Variants in CFAP46 observed in about 807,000 individuals in gnomAD.
CFAP46 encodes cilia- and flagella-associated protein 46.
In CFAP46, 245 loss-of-function variants were observed where a neutral mutation model predicts 325.7. The ratio of observed to expected loss-of-function variants is 0.75; its 90% CI spans 0.68 to 0.84. The LOEUF is 0.84. CFAP46 is among the 40% of genes least tolerant of loss of function. CFAP46 has a pLI of 0.00. For missense variants in CFAP46, 3,346 were observed against 3,543.0 expected (o/e 0.94, Z 1.41); for synonymous variants, 1,523 against 1,495.9 (o/e 1.02, Z -0.42).
intron 19 of CFAP46, among the ~76,000 whole-genome samples, chr10:132,912,062 G>C (rs1564798105): frequency 6.6e-6 from 1 of 151,906 alleles, no homozygotes; most frequent in Non-Finnish European, 1.5e-5. Flanking sequence ...CCAGCCTCCA[G>C]CTACAGGTCT....
At chr10:132,908,248 A>C in intron 22 of CFAP46, 1 of 581,612 alleles carries the variant, frequency 1.7e-6, no homozygotes, top group South Asian at 2.0e-5. Flanking sequence ...CTGCTCCCTG[A>C]TCTGTGATCG....
At chr10:132,821,244 G>GTGCGGTGA (rs1554964036) in intron 50 of CFAP46, among the ~76,000 whole-genome samples, 9 of 84,108 alleles carry the variant, frequency 1.1e-4, no homozygotes, top group Non-Finnish European at 2.5e-4. Context: ...TGTGTGCTGT[G>GTGCGGTGA]TGTGTGCTGT....
At chr10:132,891,085 C>T (rs1343768816) in intron 25 of CFAP46, among the ~76,000 whole-genome samples, 2 of 151,980 alleles carry the variant, frequency 1.3e-5, no homozygotes, top group African/African-American at 4.8e-5. Context: ...AGTGTGTGTC[C>T]ACGTTTTTTG....
chr10:132,877,418 C>T lies in CFAP46; in HGVS notation c.4213-457G>A, dbSNP rs140172986. On this transcript the variant is annotated intron_variant, in intron 30 of 57. Coordinates refer to ENST00000368586, the MANE Select transcript of CFAP46 (RefSeq NM_001200049.3). This position sits in a 1 kb window ranked among gnomAD's most constrained non-coding sequence, Gnocchi z 5.7. Reference sequence around the variant, plus strand: ...TGCCCAGCACTTTGAGAAGTGGATACTTGCAGAGAGAAAGGTTTCATGAGA... The same window carrying T: ...TGCCCAGCACTTTGAGAAGTGGATATTTGCAGAGAGAAAGGTTTCATGAGA... Among the ~76,000 whole-genome samples, 1 of 152,194 alleles carries T rather than the reference C, an allele frequency of 6.6e-6. No individual in the cohort carries two copies. Among genetic ancestry groups the T allele is most frequent in the Non-Finnish European group, 1.5e-5 (1 of 68,042 alleles).
intron 48 of CFAP46, 67 bp downstream of exon 48, chr10:132,834,587 C>T: frequency 6.4e-7 from 1 of 1,572,250 alleles, no homozygotes; most frequent in Non-Finnish European, 8.7e-7. Context: ...TGGTTGGCCA[C>T]AGCACTGGAC....
At chr10:132,909,320 G>T (rs989655888) in intron 20 of CFAP46, 76 bp from the exon 21 acceptor site, 7 of 1,010,442 alleles carry the variant, frequency 6.9e-6, no homozygotes, top group Non-Finnish European at 1.1e-5. Context: ...ATTTAACACT[G>T]CAAGGTATTA....
At chr10:132,814,947 G>C in intron 50 of CFAP46, 33 bp from the exon 51 acceptor site, 1 of 1,608,166 alleles carries the variant, frequency 6.2e-7, no homozygotes, top group Non-Finnish European at 8.5e-7. Flanking sequence ...AGGGATGTTT[G>C]GCAGCAGCTC....
At chr10:132,865,641 C>T (rs1358677456) in intron 35 of CFAP46, among the ~76,000 whole-genome samples, 5 of 152,290 alleles carry the variant, frequency 3.3e-5, no homozygotes, top group South Asian at 4.1e-4. Context: ...GCACACAATC[C>T]GCCTTCTAGA....
chr10:132,882,348 G>C (rs934441595), intron 27 of CFAP46, among the ~76,000 whole-genome samples: 9 of 151,804 alleles, frequency 5.9e-5, no homozygotes, highest in Non-Finnish European at 1.0e-4. Flanking sequence ...TAGGCTGTGT[G>C]GGGGTGGGAT....
chr10:132,902,376 G>T (rs2135492763), intron 22 of CFAP46, among the ~76,000 whole-genome samples: 1 of 148,888 alleles, frequency 6.7e-6, no homozygotes, highest in East Asian at 1.9e-4. Context: ...CACTGGCCTG[G>T]ATTCGAAGTT....
intron 22 of CFAP46, 147 bp from the exon 23 acceptor site, chr10:132,899,813 T>C (rs919753351): frequency 3.2e-6 from 3 of 949,124 alleles, no homozygotes; most frequent in African/African-American, 3.3e-5. Context: ...TGCACAGGGC[T>C]CCGCCCTCCC....
chr10:132,855,492 C>T (rs1053338008), intron 39 of CFAP46, among the ~76,000 whole-genome samples: 1 of 152,096 alleles, frequency 6.6e-6, no homozygotes, highest in Non-Finnish European at 1.5e-5. Flanking sequence ...ATTCTTTTAA[C>T]TGAGGGTGTT....
rs768710982 is a variant in CFAP46, at chr10:132,867,941, C to T, written c.4611-434G>A. 1.8e-4 allele frequency among the ~76,000 whole-genome samples: 28 copies of T among 152,358 alleles called. 1 individual carries two copies. In the South Asian group the frequency reaches 3.9e-3, roughly 21 times the overall value. ...TCCCCTTCGCTGCTCCACCTGGCCCCGGCCACGGCCCCCGGCTGTCCCGCC... is the reference window on the plus strand; with the variant it reads ...TCCCCTTCGCTGCTCCACCTGGCCCTGGCCACGGCCCCCGGCTGTCCCGCC... On this transcript the variant is annotated intron_variant, in intron 33 of 57. Coordinates refer to ENST00000368586, the MANE Select transcript of CFAP46 (RefSeq NM_001200049.3).
intron 50 of CFAP46, among the ~76,000 whole-genome samples, chr10:132,821,440 GTGC>G (rs1359113259): frequency 7.7e-6 from 1 of 130,650 alleles, no homozygotes; most frequent in Non-Finnish European, 1.6e-5. Context: ...TGCTGTGTGA[GTGC>G]TGATGTGTGC....
Position 132,886,134 on chromosome 10 carries a change from G to T in CFAP46, c.3305-175C>A, listed in dbSNP as rs915507638. 9.2e-5 allele frequency among the ~76,000 whole-genome samples: 14 copies of T among 152,300 alleles called. No individual in the cohort carries two copies. The highest frequency in any genetic ancestry group is 3.1e-4 in the African/African-American group (13 of 41,566). On this transcript the variant is annotated intron_variant, in intron 25 of 57. Coordinates refer to ENST00000368586, the MANE Select transcript of CFAP46 (RefSeq NM_001200049.3). This position sits in a 1 kb window ranked among gnomAD's most constrained non-coding sequence, Gnocchi z 5.8. ...CTGAAGTGAGCTGTGGACCTGCATG[G>T]CCCCTCCAGCCCCACAGTGGCCACC...
intron 39 of CFAP46, among the ~76,000 whole-genome samples, chr10:132,851,674 C>T (rs562536663): frequency 3.3e-5 from 5 of 152,372 alleles, no homozygotes; most frequent in Admixed American, 1.3e-4. Flanking sequence ...GACTCCCCCA[C>T]GCGGCTGCAC....
At chr10:132,858,329 C>CCAGGG in intron 38 of CFAP46, among the ~76,000 whole-genome samples, 2 of 114,490 alleles carry the variant, frequency 1.7e-5, no homozygotes. Flanking sequence ...GGAGGCTTTG[C>CCAGGG]TGGGGGTGGC....
chr10:132,864,699 CT>C (rs150192697), intron 35 of CFAP46, among the ~76,000 whole-genome samples: 3,209 of 47,806 alleles, frequency 0.067, 2 homozygotes, highest in African/African-American at 0.15. Context: ...ACCTGTCCCC[CT>C]GCCTGAGACC....
At position 132,832,719 on chromosome 10, in the gene CFAP46, C is replaced by T; in HGVS notation, c.7117+639G>A. On this transcript the variant is annotated intron_variant, in intron 50 of 57. Coordinates refer to ENST00000368586, the MANE Select transcript of CFAP46 (RefSeq NM_001200049.3). This position sits in a 1 kb window ranked among gnomAD's most constrained non-coding sequence, Gnocchi z 4.1. Reference sequence around the variant, plus strand: ...CACAACCGGGGCACGTCTGCACAGCCAGCACTCAGTCACAGAATGTCATCA... The same window carrying T: ...CACAACCGGGGCACGTCTGCACAGCTAGCACTCAGTCACAGAATGTCATCA... 1 of 470,466 alleles carries T rather than the reference C, an allele frequency of 2.1e-6. No individual in the cohort carries two copies. 29.1% of individuals were successfully genotyped at this position (470,466 alleles called of 1,614,324 possible).
Sources: gnomAD v4.1 joint callset for allele counts (sites outside exome capture counted in the v4.1 genomes callset) on GRCh38, gnomAD v4.1.1 for gene constraint, Gnocchi (gnomAD v3.1) non-coding constraint, MANE v1.5 for transcripts, NCBI Gene and HGNC (gene_info 2026-07-23, HGNC 2026-07-21) for gene names.